ANXA8: variants seen among roughly 807,000 people sequenced by gnomAD.
ANXA8 encodes the protein annexin A8, also known as VAC-beta.
ANXA8 carries 9 observed loss-of-function variants against 26.8 expected under a neutral mutation model. The observed-to-expected ratio is 0.34, with a 90% CI of 0.20 to 0.59. ANXA8 has a LOEUF of 0.59. Ranked by LOEUF, ANXA8 falls within the 20% of genes least tolerant of loss-of-function variation. ANXA8 has a pLI of 0.84. For missense variants in ANXA8, 83 were observed against 238.5 expected (o/e 0.35, Z 4.29); for synonymous variants, 39 against 94.8 (o/e 0.41, Z 3.42).
chr10:47,768,349 A>G, the ANXA8 span, among the ~76,000 whole-genome samples: 1 of 151,604 alleles, frequency 6.6e-6, no homozygotes, highest in Non-Finnish European at 1.5e-5. Context: ...AGAGGGCAGA[A>G]AGACTTTGTT....
chr10:47,683,957 C>T, the ANXA8 span, among the ~76,000 whole-genome samples: 22 of 151,932 alleles, frequency 1.4e-4, no homozygotes, highest in African/African-American at 5.3e-4. Flanking sequence ...TTGCAGTGTT[C>T]TGCAAAGACA....
chr10:47,527,958 G>C, the ANXA8 span, among the ~76,000 whole-genome samples: 5 of 147,998 alleles, frequency 3.4e-5, no homozygotes, highest in Non-Finnish European at 7.5e-5. Context: ...CCGGATCAGG[G>C]ACAGATTAGC....
At chr10:47,683,468 T>C in the ANXA8 span, among the ~76,000 whole-genome samples, 2 of 151,966 alleles carry the variant, frequency 1.3e-5, no homozygotes, top group Non-Finnish European at 2.9e-5. Context: ...GACTTCGTGA[T>C]CTGCCCGCCT....
chr10:47,706,599 GA>G, the ANXA8 span: 1 of 840,500 alleles, frequency 1.2e-6, no homozygotes, highest in Non-Finnish European at 1.9e-6. Flanking sequence ...CAGTTATGAA[GA>G]AGGGAAAGCT....
At chr10:47,589,484 A>G in the ANXA8 span, 1 of 146,256 alleles carries the variant, frequency 6.8e-6, no homozygotes, top group Non-Finnish European at 1.5e-5. Flanking sequence ...CTTTGGCCTT[A>G]TGAGCCAGAA....
At chr10:47,571,001 G>A in the ANXA8 span, among the ~76,000 whole-genome samples, 1 of 150,704 alleles carries the variant, frequency 6.6e-6, no homozygotes, top group African/African-American at 2.5e-5. Flanking sequence ...CTATTAACAT[G>A]AGTGAACTAT....
At chr10:47,669,665 AG>A in the ANXA8 span, among the ~76,000 whole-genome samples, 41 of 151,774 alleles carry the variant, frequency 2.7e-4, no homozygotes, top group African/African-American at 9.7e-4. Flanking sequence ...CAGCGTGCTG[AG>A]ATCATGTCAC....
chr10:47,888,973 A>C, the ANXA8 span, among the ~76,000 whole-genome samples: 1 of 63,378 alleles, frequency 1.6e-5, no homozygotes, highest in Non-Finnish European at 3.6e-5. Context: ...TTCTTATAAT[A>C]TAATATATAT....
the ANXA8 span, among the ~76,000 whole-genome samples, chr10:47,946,047 TTCTC>T: frequency 3.4e-5 from 5 of 146,200 alleles, no homozygotes; most frequent in African/African-American, 1.3e-4. Context: ...TGTGTGCACT[TTCTC>T]TCTTTCTCCC....
the ANXA8 span, among the ~76,000 whole-genome samples, chr10:47,587,072 G>A: frequency 1.4e-5 from 2 of 147,290 alleles, no homozygotes; most frequent in Admixed American, 6.6e-5. Context: ...GGGCACGGTG[G>A]TGTGTGCCTG....
chr10:47,743,327 T>TATATATATATATAC, the ANXA8 span, among the ~76,000 whole-genome samples: 2 of 40,334 alleles, frequency 5.0e-5, no homozygotes, highest in African/African-American at 7.6e-5. Flanking sequence ...TATATATATA[T>TATATATATATATAC]ACATATATAT....
At chr10:47,574,335 G>T in the ANXA8 span, among the ~76,000 whole-genome samples, 1 of 137,592 alleles carries the variant, frequency 7.3e-6, no homozygotes, top group Non-Finnish European at 1.5e-5. Flanking sequence ...GGCTGGTCTC[G>T]AACTCCTGAC....
chr10:47,488,211 T>C (rs1165683206), upstream of ANXA8, among the ~76,000 whole-genome samples: 2 of 134,128 alleles, frequency 1.5e-5, no homozygotes, highest in African/African-American at 2.9e-5. Flanking sequence ...ACCCAGTTTA[T>C]GGTTTGTTTT....
the ANXA8 span, among the ~76,000 whole-genome samples, chr10:47,960,129 A>G: frequency 2.0e-5 from 3 of 148,860 alleles, no homozygotes; most frequent in Non-Finnish European, 1.5e-5. Context: ...AAAGATGGTG[A>G]CAAATTATTG....
At chr10:47,706,639 T>C in the ANXA8 span, 69 of 932,724 alleles carry the variant, frequency 7.4e-5, 4 homozygotes, top group Non-Finnish European at 1.1e-4. Context: ...GCAGCTTTTT[T>C]GGAATCTTCT....
At chr10:47,952,410 C>G in the ANXA8 span, among the ~76,000 whole-genome samples, 1 of 150,364 alleles carries the variant, frequency 6.7e-6, no homozygotes, top group African/African-American at 2.5e-5. Context: ...GCGAATTTAG[C>G]AAGGTCATAA....
At chr10:47,619,049 G>A in the ANXA8 span, among the ~76,000 whole-genome samples, 2 of 112,784 alleles carry the variant, frequency 1.8e-5, no homozygotes, top group East Asian at 2.2e-4. Context: ...ATACACAATC[G>A]CTTGATCATT....
At chr10:47,499,189 G>T in the ANXA8 span, among the ~76,000 whole-genome samples, 62 of 134,140 alleles carry the variant, frequency 4.6e-4, no homozygotes, top group African/African-American at 1.3e-3. Flanking sequence ...ATCAGAATAT[G>T]GCAGATTAGC....
At chr10:47,681,131 T>G in the ANXA8 span, among the ~76,000 whole-genome samples, 107 of 151,930 alleles carry the variant, frequency 7.0e-4, 1 homozygote, top group Middle Eastern at 3.4e-3. Flanking sequence ...GATGGTGATT[T>G]GAGCCAGGCA....
Sources: allele counts gnomAD v4.1 joint callset (sites outside exome capture counted in the v4.1 genomes callset), GRCh38; gene constraint gnomAD v4.1.1; transcripts MANE v1.5; gene names NCBI Gene and HGNC (gene_info 2026-07-23, HGNC 2026-07-21).